SPAG17: variants seen among roughly 807,000 people sequenced by gnomAD.
SPAG17 encodes sperm associated antigen 17.
A neutral mutation model predicts 273.6 loss-of-function variants in SPAG17; 169 were observed. The ratio of observed to expected loss-of-function variants is 0.62; its 90% CI spans 0.55 to 0.70. The LOEUF (loss-of-function observed/expected upper bound fraction) is 0.70. Among genes scored for constraint, SPAG17 ranks in the 30% least tolerant of loss-of-function variants. The pLI, the probability that SPAG17 is intolerant of heterozygous loss-of-function variation, is 0.00. For synonymous variants in SPAG17, 825 were observed against 873.2 expected (o/e 0.94, Z 0.97); for missense variants, 2,557 against 2,627.8 (o/e 0.97, Z 0.59).
At chr1:118,153,348 T>G (rs946872238) in intron 1 of SPAG17, among the ~76,000 whole-genome samples, 2 of 152,230 alleles carry the variant, frequency 1.3e-5, no homozygotes, top group Non-Finnish European at 2.9e-5. Flanking sequence ...AAATGACTTG[T>G]TCAAGGTCAT....
chr1:118,017,425 T>C (rs1482416356), intron 28 of SPAG17, among the ~76,000 whole-genome samples: 1 of 151,974 alleles, frequency 6.6e-6, no homozygotes, highest in Non-Finnish European at 1.5e-5. Flanking sequence ...AGCAGACCAG[T>C]GTGACCAGAT....
chr1:118,099,603 T>C lies in SPAG17; in HGVS notation c.829+3A>G. 2 of 1,613,634 alleles carry C rather than the reference T, an allele frequency of 1.2e-6. No homozygotes were observed. Among genetic ancestry groups the C allele is most frequent in the South Asian group, 1.1e-5 (1 of 91,068 alleles). ...TCAGTAAGTTGTGTAGCAGACTGCA[T>C]ACCTTCTGACTGAAGAAGAACTTCC... On this transcript the variant is annotated splice_donor_region_variant and intron_variant, in intron 6 of 48. Transcript: ENST00000336338.
Position 118,012,243 on chromosome 1 carries a change from C to T in SPAG17, c.4417G>A (p.Asp1473Asn), listed in dbSNP as rs1659550083. 2 of 1,613,012 alleles carry T rather than the reference C, an allele frequency of 1.2e-6. No individual in the cohort carries two copies. The highest frequency in any genetic ancestry group is 1.7e-6 in the Non-Finnish European group (2 of 1,179,408). Residue 1473 changes from aspartate to asparagine, a missense_variant, in exon 30 of 49, where the codon GAT (aspartate) becomes AAT (asparagine). Asp to Asn is a conservative substitution (Grantham distance 23). Coordinates refer to ENST00000336338, the MANE Select transcript of SPAG17 (RefSeq NM_206996.4). ...QVYEDQIILP[D>N]DQETTEGPRT... ...TAAAACATACTTGTTTCTTGATCATCTGGCAGAATAATTTGATCTTCATAA... is the reference window on the plus strand; with the variant it reads ...TAAAACATACTTGTTTCTTGATCATTTGGCAGAATAATTTGATCTTCATAA...
At chr1:118,088,394 G>C (rs1021793603) in intron 10 of SPAG17, among the ~76,000 whole-genome samples, 2 of 152,108 alleles carry the variant, frequency 1.3e-5, no homozygotes, top group African/African-American at 4.8e-5. Flanking sequence ...GAAAGGATAA[G>C]ATAAATAAAA....
intron 15 of SPAG17, among the ~76,000 whole-genome samples, chr1:118,075,513 G>C (rs1351768029): frequency 6.6e-6 from 1 of 152,208 alleles, no homozygotes; most frequent in African/African-American, 2.4e-5. Context: ...TTGTTATTGT[G>C]AATCTCTAAT....
intron 32 of SPAG17, 114 bp from the exon 33 acceptor site, chr1:117,996,857 G>A (rs1657716086): frequency 2.7e-6 from 3 of 1,104,484 alleles, no homozygotes; most frequent in South Asian, 3.3e-5. Flanking sequence ...CAAAATTGGA[G>A]ATGTTTATTT....
chr1:118,117,640 A>C (rs1197388227), intron 3 of SPAG17, among the ~76,000 whole-genome samples: 2 of 152,168 alleles, frequency 1.3e-5, no homozygotes, highest in Non-Finnish European at 2.9e-5. Context: ...ACAGAGAGAG[A>C]GAGCAGTGGT....
At chr1:118,008,005 A>G (rs1221048020) in intron 31 of SPAG17, 39 bp downstream of exon 31, 3 of 1,608,892 alleles carry the variant, frequency 1.9e-6, no homozygotes, top group Admixed American at 3.3e-5. Context: ...CTGAATAGAC[A>G]CTCATCTTTG....
chr1:118,087,080 C>T, intron 10 of SPAG17, 72 bp from the exon 11 acceptor site: 1 of 1,474,228 alleles, frequency 6.8e-7, no homozygotes, highest in Non-Finnish European at 9.0e-7. Flanking sequence ...CTCATTGCTG[C>T]ATTCCCACTG....
chr1:117,979,158 C>T (rs1009664203), intron 43 of SPAG17, among the ~76,000 whole-genome samples: 4 of 152,156 alleles, frequency 2.6e-5, no homozygotes, highest in African/African-American at 4.8e-5. Flanking sequence ...CATGAGCCAC[C>T]GCGCCTGGCC....
chr1:118,068,121 A>AT (rs1159773395), intron 17 of SPAG17, among the ~76,000 whole-genome samples: 1 of 151,530 alleles, frequency 6.6e-6, no homozygotes, highest in Admixed American at 6.6e-5. Context: ...TATTGTTTGC[A>AT]TATCTGAAGG....
At chr1:118,007,310 A>G (rs1658997510) in intron 31 of SPAG17, among the ~76,000 whole-genome samples, 1 of 152,220 alleles carries the variant, frequency 6.6e-6, no homozygotes, top group Non-Finnish European at 1.5e-5. Context: ...CAACTTTCAC[A>G]GTAACAAATG....
At chr1:118,125,279 G>T (rs1276085223) in intron 3 of SPAG17, among the ~76,000 whole-genome samples, 3 of 151,446 alleles carry the variant, frequency 2.0e-5, no homozygotes, top group Non-Finnish European at 4.4e-5. Flanking sequence ...ATATTTACGG[G>T]ATACAAAGTG....
intron 43 of SPAG17, among the ~76,000 whole-genome samples, chr1:117,977,721 A>C (rs1397292292): frequency 6.6e-6 from 1 of 152,172 alleles, no homozygotes; most frequent in Non-Finnish European, 1.5e-5. Flanking sequence ...CTGGGGGTGC[A>C]GTAGGTGTTT....
chr1:118,002,716 T>C (rs1658434087), intron 32 of SPAG17, among the ~76,000 whole-genome samples: 1 of 152,206 alleles, frequency 6.6e-6, no homozygotes, highest in South Asian at 2.1e-4. Flanking sequence ...AGCCTATGTG[T>C]GTCTTTGCAC....
chr1:118,091,552 A>G, intron 10 of SPAG17, 54 bp downstream of exon 10: 1 of 937,982 alleles, frequency 1.1e-6, no homozygotes, highest in Non-Finnish European at 1.7e-6. Flanking sequence ...AACAGAAGCC[A>G]GGAAAGATGA....
rs55651431 is a variant in SPAG17, at chr1:118,062,274, G to A, written c.2540+4471C>T. Among the ~76,000 whole-genome samples the A allele has an allele frequency of 8.0e-3, 1,166 of 146,498 alleles. 8 individuals carry two copies. The highest frequency in any genetic ancestry group is 0.013 in the Non-Finnish European group (860 of 66,800). ...CCCAGCTACTTGGGAGGCTGAGGCA[G>A]GAGAATGGCACGAACCCGGGAGGCG... is the stretch of plus-strand genomic sequence containing the variant. On this transcript the variant is annotated intron_variant, in intron 18 of 48. Coordinates refer to ENST00000336338, the MANE Select transcript of SPAG17 (RefSeq NM_206996.4).
intron 45 of SPAG17, among the ~76,000 whole-genome samples, chr1:117,970,809 C>T (rs1320278230): frequency 6.6e-6 from 1 of 152,176 alleles, no homozygotes; most frequent in Non-Finnish European, 1.5e-5. Flanking sequence ...ATCTCCAAAA[C>T]TAAAATTTTA....
At chr1:117,959,797 T>G in intron 48 of SPAG17, 1 of 159,844 alleles carries the variant, frequency 6.3e-6, no homozygotes, top group Non-Finnish European at 1.4e-5. Context: ...ATTTCAAAAG[T>G]TTTTCGTATT....
Sources: gnomAD v4.1 joint callset for allele counts (sites outside exome capture counted in the v4.1 genomes callset) on GRCh38, gnomAD v4.1.1 for gene constraint, MANE v1.5 for transcripts, NCBI Gene and HGNC (gene_info 2026-07-23, HGNC 2026-07-21) for gene names.